SIRT3: variants seen among roughly 807,000 people sequenced by gnomAD.
SIRT3 encodes the protein NAD-dependent protein deacetylase sirtuin-3, mitochondrial.
A neutral mutation model predicts 33.5 loss-of-function variants in SIRT3; 26 were observed. The observed-to-expected ratio is 0.78, with a 90% CI of 0.57 to 1.08. SIRT3 has a LOEUF of 1.08. SIRT3 is among the 50% of genes least tolerant of loss of function. The pLI, the probability that SIRT3 is intolerant of heterozygous loss-of-function variation, is 0.00. For missense variants in SIRT3, 585 were observed against 530.1 expected (o/e 1.10, Z -1.02); for synonymous variants, 237 against 222.1 (o/e 1.07, Z -0.60).
Position 218,964 on chromosome 11 carries a change from C to A in SIRT3, c.1047G>T (p.Gly349=), listed in dbSNP as rs752654725. The change falls in exon 6 of 7, where the codon GGG becomes GGT. Residue 349 remains glycine, a synonymous_variant. Transcript: ENST00000382743. ...TGCTGCGAGGATGCCAAGCCAAGGG[C>A]CCCACCAAGTCCCGGTTGATGAGCA... ...PRLLINRDLV[G]PLAWHPRSRD... is the part of the protein sequence containing the mutation. 1 of 1,614,172 alleles carries A rather than the reference C, an allele frequency of 6.2e-7. No homozygotes were observed. The highest frequency in any genetic ancestry group is 8.5e-7 in the Non-Finnish European group (1 of 1,180,034).
rs1341473883 is a variant in SIRT3, at chr11:223,488, G to A, written c.969+590C>T. On this transcript the variant is annotated intron_variant, in intron 5 of 6. Transcript: ENST00000382743. The surrounding 1 kb of genome is among the most constrained non-coding windows in gnomAD (Gnocchi z 4.8). ...CTTGCTCCACTCTCCACTCCCCAAA[G>A]GCCTCCCTGACCCCAAGGGTGCAGC... is the stretch of plus-strand genomic sequence containing the variant. The A allele has an allele frequency of 6.4e-5, 20 of 314,862 alleles. No individual in the cohort carries two copies. The highest frequency in any genetic ancestry group is 5.0e-5 in the Non-Finnish European group (8 of 159,312). 19.5% of individuals were successfully genotyped at this position (314,862 alleles called of 1,614,324 possible).
At position 228,077 on chromosome 11, in the gene SIRT3, C is replaced by T. The variant is rs75548573; in HGVS notation, c.807+2375G>A. ...CTCTGCTGCCAGAAACAGACTCTTA[C>T]ATCCAGACGGCCTCATCTCAAAGGT... is the stretch of plus-strand genomic sequence containing the variant. On this transcript the variant is annotated intron_variant, in intron 4 of 6. Coordinates refer to ENST00000382743, the MANE Select transcript of SIRT3 (RefSeq NM_012239.6). Among the ~76,000 whole-genome samples the T allele has an allele frequency of 8.3e-4, 127 of 152,332 alleles. 2 individuals carry two copies. In the East Asian group the frequency reaches 0.023, roughly 27 times the overall value.
At chr11:227,329 T>G (rs1394821430) in intron 4 of SIRT3, among the ~76,000 whole-genome samples, 1 of 151,320 alleles carries the variant, frequency 6.6e-6, no homozygotes, top group Non-Finnish European at 1.5e-5. Flanking sequence ...TCCCAGCTAC[T>G]CAGGAGGATG....
intron 3 of SIRT3, among the ~76,000 whole-genome samples, chr11:231,505 A>C (rs1424483880): frequency 1.3e-5 from 2 of 152,262 alleles, no homozygotes; most frequent in African/African-American, 4.8e-5. Context: ...TGAGGATATA[A>C]ATATCATAAA....
intron 6 of SIRT3, among the ~76,000 whole-genome samples, chr11:218,485 A>G (rs1036511450): frequency 1.4e-4 from 22 of 152,352 alleles, no homozygotes; most frequent in African/African-American, 5.3e-4. Context: ...AAGTTCTTTA[A>G]CCCGTATCAT....
chr11:219,629 G>C (rs1856157236), intron 5 of SIRT3, among the ~76,000 whole-genome samples: 1 of 151,782 alleles, frequency 6.6e-6, no homozygotes, highest in African/African-American at 2.4e-5. Context: ...TAAAAAAATG[G>C]ATACATTAAT....
At chr11:233,243 G>A (rs764657374) in intron 2 of SIRT3, 28 bp from the exon 3 acceptor site, 1 of 1,608,406 alleles carries the variant, frequency 6.2e-7, no homozygotes, top group Admixed American at 1.7e-5. Flanking sequence ...AGGCTCTGAG[G>A]CCTTTGGAAG....
chr11:236,185 CG>C lies in SIRT3; in HGVS notation c.143del (p.Ala48GlyfsTer3). 6.4e-7 allele frequency: 1 copy of C among 1,563,600 alleles called. No homozygotes were observed. The highest frequency in any genetic ancestry group is 8.6e-7 in the Non-Finnish European group (1 of 1,157,240). ...GGGCCCCATGGCTGCCTCTCAGCCC[CG>C]CACTCACATCGTCCCTGCCGCCAAG... Reference protein sequence around the residue: ...LVLGGRDDVSAGLRGSHGARG... With the variant: ...LVLGGRDDVSXGLRGSHGARG... On this transcript the variant is annotated frameshift_variant, in exon 1 of 7. Transcript: ENST00000382743. LOFTEE classifies it high-confidence loss of function.
chr11:223,457 G>T lies in SIRT3; in HGVS notation c.969+621C>A. 3.6e-6 allele frequency: 1 copy of T among 274,210 alleles called. No homozygotes were observed. The highest frequency in any genetic ancestry group is 3.7e-5 in the South Asian group (1 of 27,284). The allele number at this position is 274,210 out of a possible 1,614,324, so 17.0% of individuals were successfully genotyped here. Reference sequence around the variant, plus strand: ...CACCTTCTCCAGGACCAGCCTCCTGGCACTGCTTGCTCCACTCTCCACTCC... The same window carrying T: ...CACCTTCTCCAGGACCAGCCTCCTGTCACTGCTTGCTCCACTCTCCACTCC... On this transcript the variant is annotated intron_variant, in intron 5 of 6. Transcript: ENST00000382743. This position sits in a 1 kb window ranked among gnomAD's most constrained non-coding sequence, Gnocchi z 4.8.
In SIRT3 at chr11:233,366, T is replaced by A; in HGVS notation, c.450A>T (p.Thr150=). Reference sequence around the variant, plus strand: ...ACCTGAAGTCTGGAATGCCACTGGGTGTGCTGATGCCGGCCCCCACCATGA... The same window carrying A: ...ACCTGAAGTCTGGAATGCCACTGGGAGTGCTGATGCCGGCCCCCACCATGA... The part of the protein sequence containing the change: ...VVVMVGAGIS[T]PSGIPDFRSP... Residue 150 remains threonine, a synonymous_variant, in exon 2 of 7, where the codon ACA becomes ACT. Transcript: ENST00000382743. 1 of 1,613,700 alleles carries A rather than the reference T, an allele frequency of 6.2e-7. No individual in the cohort carries two copies. Among genetic ancestry groups the A allele is most frequent in the Non-Finnish European group, 8.5e-7 (1 of 1,179,852 alleles).
rs1429665445 is a variant in SIRT3, at chr11:224,112, G to A, written c.935C>T (p.Ala312Val). 6.2e-7 allele frequency: 1 copy of A among 1,614,224 alleles called. No individual in the cohort carries two copies. Among genetic ancestry groups the A allele is most frequent in the African/African-American group, 1.3e-5 (1 of 75,054 alleles). ...FLLHVVDFPM[A>V]DLLLILGTSL... ...GGTCCCAAGGATGAGCAGCAGATCTGCCATGGGGAAATCAACCACATGCAG... is the reference window on the plus strand; with the variant it reads ...GGTCCCAAGGATGAGCAGCAGATCTACCATGGGGAAATCAACCACATGCAG... Residue 312 changes from alanine to valine, a missense_variant, in exon 5 of 7, where the codon GCA (alanine) becomes GTA (valine). Ala to Val is a moderately conservative substitution (Grantham distance 64). Coordinates refer to ENST00000382743, the MANE Select transcript of SIRT3 (RefSeq NM_012239.6).
In SIRT3 at chr11:219,729, A is replaced by C. The variant is rs563834991; in HGVS notation, c.970-688T>G. Among the ~76,000 whole-genome samples the C allele has an allele frequency of 2.6e-5, 4 of 152,328 alleles. No homozygotes were observed. The South Asian group carries it at 6.2e-4, about 24-fold the overall frequency. ...AAAATTCAAATGGATTAAAGGTTTC[A>C]ATGTAAACAAAACAGTTCTTGAAGA... On this transcript the variant is annotated intron_variant, in intron 5 of 6. Coordinates refer to ENST00000382743, the MANE Select transcript of SIRT3 (RefSeq NM_012239.6).
chr11:226,395 G>T (rs1278749872), intron 4 of SIRT3, among the ~76,000 whole-genome samples: 1 of 151,984 alleles, frequency 6.6e-6, no homozygotes, highest in Non-Finnish European at 1.5e-5. Flanking sequence ...TGGTTGCAGG[G>T]CTTAGAATTT....
At chr11:227,573 T>C (rs1212946475) in intron 4 of SIRT3, among the ~76,000 whole-genome samples, 1 of 152,058 alleles carries the variant, frequency 6.6e-6, no homozygotes, top group African/African-American at 2.4e-5. Context: ...AGAACAAAGG[T>C]GGGGAATTAA....
chr11:236,912 G>T, upstream of SIRT3: 1 of 717,412 alleles, frequency 1.4e-6, no homozygotes, highest in South Asian at 1.6e-5. Flanking sequence ...AACCAGCGGG[G>T]CCCGCCCCCG....
Position 223,195 on chromosome 11 carries a change from A to G in SIRT3, c.969+883T>C, listed in dbSNP as rs1392867854. 6.4e-6 allele frequency: 1 copy of G among 156,840 alleles called. No individual in the cohort carries two copies. Among genetic ancestry groups the G allele is most frequent in the Non-Finnish European group, 1.4e-5 (1 of 71,046 alleles). 9.7% of individuals were successfully genotyped at this position (156,840 alleles called of 1,614,324 possible). A position where few individuals can be genotyped will look rare whatever the true frequency, so the allele number is the denominator to read the frequency against. ...CTTGCTCTCATCACAGCTTTTAGGA[A>G]TTTCCTGAGCTGCAGACGCAGACGC... On this transcript the variant is annotated intron_variant, in intron 5 of 6. Coordinates refer to ENST00000382743, the MANE Select transcript of SIRT3 (RefSeq NM_012239.6). This position sits in a 1 kb window ranked among gnomAD's most constrained non-coding sequence, Gnocchi z 4.8.
At chr11:235,203 TC>T (rs1014630556) in intron 1 of SIRT3, among the ~76,000 whole-genome samples, 9 of 55,156 alleles carry the variant, frequency 1.6e-4, no homozygotes, top group African/African-American at 1.0e-3. Context: ...TAAACTTTTT[TC>T]TTTTTTTTTT....
intron 6 of SIRT3, among the ~76,000 whole-genome samples, chr11:217,324 C>G (rs1450168867): frequency 6.6e-6 from 1 of 152,252 alleles, no homozygotes; most frequent in Non-Finnish European, 1.5e-5. Context: ...GTGGCACATG[C>G]CTGTAATCCC....
chr11:229,558 G>A (rs1158635066), intron 4 of SIRT3, among the ~76,000 whole-genome samples: 2 of 150,262 alleles, frequency 1.3e-5, no homozygotes, highest in African/African-American at 4.9e-5. Flanking sequence ...GAATGCAAGA[G>A]CAGCCTGGCC....
Sources: allele counts gnomAD v4.1 joint callset (sites outside exome capture counted in the v4.1 genomes callset), GRCh38; gene constraint gnomAD v4.1.1; non-coding constraint Gnocchi (gnomAD v3.1); transcripts MANE v1.5; gene names NCBI Gene and HGNC (gene_info 2026-07-23, HGNC 2026-07-21).